Variants in TMEM132D observed in about 807,000 individuals in gnomAD.
TMEM132D encodes the protein transmembrane protein 132D, also known as mature OL transmembrane protein.
Under a neutral mutation model 62.3 loss-of-function variants are expected in TMEM132D, and 21 were observed. That is an observed-to-expected ratio of 0.34 (90% CI 0.24 to 0.49). The LOEUF (loss-of-function observed/expected upper bound fraction) is 0.49. Among genes scored for constraint, TMEM132D ranks in the 20% least tolerant of loss-of-function variants. The pLI is 0.99. For missense variants in TMEM132D, 1,346 were observed against 1,402.8 expected, an observed-to-expected ratio of 0.96 and a Z score of 0.65; for synonymous variants, 621 against 575.6, an observed-to-expected ratio of 1.08 and a Z score of -1.13.
chr12:129,314,466 TG>T (rs1160074652), intron 4 of TMEM132D, among the ~76,000 whole-genome samples: 3 of 152,338 alleles, frequency 2.0e-5, no homozygotes, highest in Admixed American at 6.5e-5. Flanking sequence ...TCTGTTCCAT[TG>T]GTCTGTGTGC....
chr12:129,541,057 A>G (rs1876569738), intron 2 of TMEM132D, among the ~76,000 whole-genome samples: 1 of 152,254 alleles, frequency 6.6e-6, no homozygotes, highest in African/African-American at 2.4e-5. Flanking sequence ...AGGAGACAGA[A>G]CGCATGCATG....
At chr12:129,485,143 T>C (rs561385245) in intron 3 of TMEM132D, among the ~76,000 whole-genome samples, 16 of 152,264 alleles carry the variant, frequency 1.1e-4, no homozygotes, top group Admixed American at 3.9e-4. Context: ...CAAACACATA[T>C]ACGTGGTACA....
chr12:129,886,451 C>T (rs945207444), intron 1 of TMEM132D, among the ~76,000 whole-genome samples: 1 of 152,142 alleles, frequency 6.6e-6, no homozygotes, highest in Non-Finnish European at 1.5e-5. Context: ...AATATACAGA[C>T]GTTAAGGATG....
At chr12:129,565,000 G>C (rs1047678814) in intron 2 of TMEM132D, among the ~76,000 whole-genome samples, 12 of 152,306 alleles carry the variant, frequency 7.9e-5, no homozygotes, top group Middle Eastern at 6.8e-3. Context: ...TGTCCCTTAA[G>C]ATGCCTAATT....
chr12:129,490,511 C>T (rs1197312339), intron 3 of TMEM132D, among the ~76,000 whole-genome samples: 1 of 143,626 alleles, frequency 7.0e-6, no homozygotes, highest in African/African-American at 2.6e-5. Context: ...TCACTGCAAG[C>T]TCCGCCTCCC....
rs531262848 is a variant in TMEM132D, at chr12:129,626,113, C to T, written c.968+73697G>A. Among the ~76,000 whole-genome samples the T allele has an allele frequency of 6.6e-5, 10 of 151,878 alleles. No homozygotes were observed. The South Asian group carries it at 1.9e-3, about 28-fold the overall frequency. On this transcript the variant is annotated intron_variant, in intron 2 of 8. Transcript: ENST00000422113. ...GGGAAAAAAAAAAAAGCTCCACGGT[C>T]TATTAATTTTGAAAAACACTGGATC...
intron 5 of TMEM132D, among the ~76,000 whole-genome samples, chr12:129,140,024 G>T (rs376852139): frequency 6.6e-6 from 1 of 151,682 alleles, no homozygotes; most frequent in Non-Finnish European, 1.5e-5. Context: ...TCAGAAACAC[G>T]CATTTTTAAA....
At chr12:129,136,322 C>T (rs529312375) in intron 5 of TMEM132D, among the ~76,000 whole-genome samples, 7 of 152,164 alleles carry the variant, frequency 4.6e-5, no homozygotes, top group Non-Finnish European at 1.0e-4. Context: ...TGAGATTGCC[C>T]AAGTGTCTTT....
intron 3 of TMEM132D, among the ~76,000 whole-genome samples, chr12:129,480,562 C>T (rs988312867): frequency 6.6e-6 from 1 of 152,122 alleles, no homozygotes; most frequent in Admixed American, 6.6e-5. Context: ...TCCCACAGAC[C>T]TTTCTGCAGT....
chr12:129,735,663 G>GA (rs372395463), intron 1 of TMEM132D, among the ~76,000 whole-genome samples: 1 of 151,984 alleles, frequency 6.6e-6, no homozygotes, highest in Non-Finnish European at 1.5e-5. Context: ...AAAAGCCATA[G>GA]AAAAAAAGAG....
chr12:129,433,843 C>A (rs543429336), intron 3 of TMEM132D, among the ~76,000 whole-genome samples: 1 of 152,218 alleles, frequency 6.6e-6, no homozygotes, highest in South Asian at 2.1e-4. Context: ...CTGCTCATGG[C>A]AGGAGTGCAT....
intron 1 of TMEM132D, among the ~76,000 whole-genome samples, chr12:129,823,540 C>G (rs1465957195): frequency 2.6e-5 from 4 of 152,248 alleles, no homozygotes; most frequent in Admixed American, 2.6e-4. Context: ...AGAGCGGGCT[C>G]AGGCCTGTGA....
intron 2 of TMEM132D, among the ~76,000 whole-genome samples, chr12:129,553,136 G>A (rs1376655047): frequency 2.0e-5 from 3 of 152,074 alleles, no homozygotes; most frequent in East Asian, 1.9e-4. Flanking sequence ...AGAGTGTTGC[G>A]CGTTTGCTCC....
intron 5 of TMEM132D, among the ~76,000 whole-genome samples, chr12:129,145,524 G>A (rs944839812): frequency 9.2e-5 from 14 of 151,932 alleles, no homozygotes; most frequent in Admixed American, 3.9e-4. Context: ...ATCCGTGATC[G>A]CAACATCACA....
chr12:129,138,593 C>G (rs1353210988), intron 5 of TMEM132D, among the ~76,000 whole-genome samples: 1 of 152,026 alleles, frequency 6.6e-6, no homozygotes, highest in East Asian at 1.9e-4. Context: ...TGGTGGCAGG[C>G]ACCTGTAATT....
At chr12:129,718,389 TG>T (rs1868675496) in intron 1 of TMEM132D, among the ~76,000 whole-genome samples, 1 of 152,230 alleles carries the variant, frequency 6.6e-6, no homozygotes, top group East Asian at 1.9e-4. Context: ...AGGAACGAGC[TG>T]ACGCCTAACA....
intron 2 of TMEM132D, among the ~76,000 whole-genome samples, chr12:129,660,335 C>G (rs958059242): frequency 6.6e-6 from 1 of 151,802 alleles, no homozygotes; most frequent in African/African-American, 2.4e-5. Context: ...CAGGGAAAGA[C>G]GTCATGATGC....
chr12:129,776,956 C>G (rs943738990), intron 1 of TMEM132D, among the ~76,000 whole-genome samples: 8 of 152,162 alleles, frequency 5.3e-5, no homozygotes, highest in African/African-American at 1.9e-4. Context: ...TTTCCAACAA[C>G]AGAGCAAGGC....
intron 5 of TMEM132D, among the ~76,000 whole-genome samples, chr12:129,117,603 G>A (rs553037073): frequency 6.6e-6 from 1 of 152,132 alleles, no homozygotes; most frequent in Admixed American, 6.5e-5. Context: ...TCAAAGCTGG[G>A]ACCCAGCCTT....
Sources: gnomAD v4.1 joint callset for allele counts (sites outside exome capture counted in the v4.1 genomes callset) on GRCh38, gnomAD v4.1.1 for gene constraint, MANE v1.5 for transcripts, NCBI Gene and HGNC (gene_info 2026-07-23, HGNC 2026-07-21) for gene names.